Variants in IPCEF1 observed in about 807,000 individuals in gnomAD.
IPCEF1 encodes the protein interaction protein for cytohesin exchange factors 1.
A neutral mutation model predicts 50.9 loss-of-function variants in IPCEF1; 31 were observed. The observed-to-expected ratio is 0.61, with a 90% confidence interval of 0.46 to 0.82. The LOEUF is 0.82. IPCEF1 is among the 40% of genes least tolerant of loss of function. IPCEF1 has a pLI of 0.00. For missense variants in IPCEF1, 458 were observed against 514.0 expected, an observed-to-expected ratio of 0.89 and a Z score of 1.05; for synonymous variants, 181 against 192.0, an observed-to-expected ratio of 0.94 and a Z score of 0.47.
At chr6:154,166,759 C>T (rs1799468543) in intron 11 of IPCEF1, among the ~76,000 whole-genome samples, 1 of 152,172 alleles carries the variant, frequency 6.6e-6, no homozygotes, top group African/African-American at 2.4e-5. Flanking sequence ...TCACTCATAT[C>T]AGCTATCACA....
Position 154,199,829 on chromosome 6 carries a change from G to C in IPCEF1, c.749C>G (p.Pro250Arg), listed in dbSNP as rs771067303. The change falls in exon 10 of 12, where the codon CCC becomes CGC. Residue 250 changes from proline (P) to arginine (R), a missense_variant. Transcript: ENST00000367220. The stretch of plus-strand genomic sequence containing the variant: ...GGCCTTGTGGATGCCTGCCTCTGAG[G>C]GTACAGGTGAATGAACTTGCACAGC... ...TFAVQVHSPV[P>R]SEAGIHKALE... 2.5e-6 allele frequency: 4 copies of C among 1,614,020 alleles called. No homozygotes were observed. The African/African-American group carries it at 4.0e-5, about 16-fold the overall frequency.
At chr6:154,184,808 T>C (rs535168977) in intron 10 of IPCEF1, among the ~76,000 whole-genome samples, 2 of 152,184 alleles carry the variant, frequency 1.3e-5, no homozygotes, top group African/African-American at 2.4e-5. Context: ...TATAGTATCT[T>C]TCTAGATTGT....
At chr6:154,344,211 T>C (rs543315838) in intron 1 of IPCEF1, among the ~76,000 whole-genome samples, 2 of 152,278 alleles carry the variant, frequency 1.3e-5, no homozygotes, top group Admixed American at 6.5e-5. Flanking sequence ...TTCTCTTGCC[T>C]ATTAAATCAT....
intron 10 of IPCEF1, among the ~76,000 whole-genome samples, chr6:154,189,052 T>C (rs1801630440): frequency 6.6e-6 from 1 of 152,094 alleles, no homozygotes; most frequent in South Asian, 2.1e-4. Context: ...AAGTAGAAAA[T>C]ACATTTGCAA....
chr6:154,192,019 A>T (rs958203200), intron 10 of IPCEF1, among the ~76,000 whole-genome samples: 3 of 152,196 alleles, frequency 2.0e-5, no homozygotes, highest in Admixed American at 6.5e-5. Flanking sequence ...TGTATAGTAA[A>T]ACAATGGAGT....
rs202118172 is a variant in IPCEF1, at chr6:154,246,743, G to A, written c.94C>T (p.Arg32Trp). The A allele has an allele frequency of 1.4e-5, 22 of 1,613,712 alleles. No individual in the cohort carries two copies. Among genetic ancestry groups the A allele is most frequent in the Non-Finnish European group, 1.7e-5 (20 of 1,179,870 alleles). The change falls in exon 5 of 12, where the codon CGG becomes TGG. Residue 32 changes from arginine to tryptophan, a missense_variant. Coordinates refer to ENST00000367220, the MANE Select transcript of IPCEF1 (RefSeq NM_001130700.2). The part of the protein sequence containing the change: ...RKTQGFLTMS[R>W]RRISCKDLGH... ...AGATCTTTACACGATATCCTCCTCC[G>A]ACTCATCGTGAGAAAACCTGCAATG...
chr6:154,354,447 C>CCACCTCCACCATCTCCTCCACA, intron 1 of IPCEF1, among the ~76,000 whole-genome samples: 1 of 126,200 alleles, frequency 7.9e-6, no homozygotes, highest in Non-Finnish European at 1.8e-5. Flanking sequence ...TCTCCTCCAC[C>CCACCTCCACCATCTCCTCCACA]ACCACCTCCA....
At chr6:154,249,516 C>T (rs996027846) in intron 3 of IPCEF1, among the ~76,000 whole-genome samples, 5 of 152,086 alleles carry the variant, frequency 3.3e-5, no homozygotes, top group Non-Finnish European at 5.9e-5. Context: ...GAGAAAAGGG[C>T]GTTGTTAACA....
chr6:154,354,254 T>A (rs1483610789), intron 1 of IPCEF1, among the ~76,000 whole-genome samples: 3 of 152,062 alleles, frequency 2.0e-5, no homozygotes, highest in Non-Finnish European at 4.4e-5. Flanking sequence ...CTTCCCATGA[T>A]TACCTCCACC....
chr6:154,256,727 T>C (rs1420650864), intron 3 of IPCEF1, among the ~76,000 whole-genome samples: 2 of 152,208 alleles, frequency 1.3e-5, no homozygotes, highest in African/African-American at 4.8e-5. Context: ...TCATAGAGAA[T>C]CTTGCACACA....
intron 1 of IPCEF1, among the ~76,000 whole-genome samples, chr6:154,331,370 G>GGAAAGAAAGAAAGAAA (rs1554225596): frequency 0.016 from 1,838 of 111,938 alleles, 30 homozygotes; most frequent in Non-Finnish European, 0.019. Flanking sequence ...AAGAAAGAAA[G>GGAAAGAAAGAAAGAAA]GAAAGAAAGA....
At chr6:154,252,205 A>G (rs559846992) in intron 3 of IPCEF1, among the ~76,000 whole-genome samples, 16 of 152,338 alleles carry the variant, frequency 1.1e-4, no homozygotes, top group African/African-American at 2.9e-4. Flanking sequence ...TCAGAATCCA[A>G]AGGAAAACCA....
chr6:154,336,280 A>G (rs915657442), intron 1 of IPCEF1, among the ~76,000 whole-genome samples: 11 of 152,254 alleles, frequency 7.2e-5, no homozygotes, highest in Admixed American at 6.5e-4. Context: ...GTGTCCATCA[A>G]TGGACAAATA....
chr6:154,276,330 G>GAAACA, intron 2 of IPCEF1, among the ~76,000 whole-genome samples: 1 of 12,332 alleles, frequency 8.1e-5, no homozygotes, highest in African/African-American at 2.7e-4. Flanking sequence ...AGGGAAGGAG[G>GAAACA]AAATAAAAGA....
At chr6:154,298,792 C>T (rs141647808) in intron 1 of IPCEF1, among the ~76,000 whole-genome samples, 2,307 of 152,082 alleles carry the variant, frequency 0.015, 24 homozygotes, top group Non-Finnish European at 0.024. Context: ...GGTGAAACCC[C>T]GTCTCTACTA....
intron 2 of IPCEF1, among the ~76,000 whole-genome samples, chr6:154,272,693 A>T (rs1781928446): frequency 6.6e-6 from 1 of 152,224 alleles, no homozygotes; most frequent in South Asian, 2.1e-4. Context: ...TTTTAATCAC[A>T]AATTGCATGC....
intron 1 of IPCEF1, among the ~76,000 whole-genome samples, chr6:154,342,392 A>G (rs554056390): frequency 7.2e-5 from 11 of 152,296 alleles, no homozygotes; most frequent in African/African-American, 2.6e-4. Context: ...GGCATTGACT[A>G]AAGTCTCACA....
chr6:154,314,149 A>C (rs779493522), intron 1 of IPCEF1, among the ~76,000 whole-genome samples: 2 of 152,162 alleles, frequency 1.3e-5, no homozygotes, highest in African/African-American at 2.4e-5. Context: ...TACCACTTAC[A>C]TTTTTGTACA....
At chr6:154,210,627 T>C (rs1409642008) in intron 9 of IPCEF1, among the ~76,000 whole-genome samples, 2 of 152,278 alleles carry the variant, frequency 1.3e-5, no homozygotes, top group Non-Finnish European at 2.9e-5. Flanking sequence ...GTTTGAAAGA[T>C]ATAAAGAAAA....
Sources: gnomAD v4.1 joint callset for allele counts (sites outside exome capture counted in the v4.1 genomes callset) on GRCh38, gnomAD v4.1.1 for gene constraint, MANE v1.5 for transcripts, NCBI Gene and HGNC (gene_info 2026-07-23, HGNC 2026-07-21) for gene names.